Variants in COL21A1 observed in about 807,000 individuals in gnomAD.
COL21A1 encodes collagen type XXI alpha 1 chain, also known as collagen alpha-1(XXI) chain.
COL21A1 carries 149 observed loss-of-function variants against 137.9 expected under a neutral mutation model. The observed-to-expected ratio is 1.08, with a 90% CI of 0.95 to 1.24. COL21A1 has a LOEUF of 1.24. Ranked by LOEUF, COL21A1 falls within the 50% of genes most tolerant of loss-of-function variation. The probability of loss-of-function intolerance (pLI) is 0.00; values close to 1 mark genes in which losing one functional copy is unlikely to be tolerated. For synonymous variants in COL21A1, 456 were observed against 391.5 expected (o/e 1.16, Z -1.95); for missense variants, 1,167 against 1,158.4 (o/e 1.01, Z -0.11).
chr6:56,060,131 G>C lies in COL21A1; in HGVS notation c.2495C>G (p.Pro832Arg). 1 of 1,610,990 alleles carries C rather than the reference G, an allele frequency of 6.2e-7. No homozygotes were observed. ...SQHGSPGIPG[P>R]PGPIGPEGPR... ...ACCCTCTGGGCCTATCGGACCAGGT[G>C]GCCCAGGAATACCCGGGGAGCCATG... Residue 832 changes from proline (P) to arginine (R), a missense_variant, in exon 28 of 30, where the codon CCA becomes CGA. Pro to Arg is a moderately radical substitution (Grantham distance 103). Transcript: ENST00000244728.
At chr6:56,181,135 A>G (rs1342762415) in intron 2 of COL21A1, among the ~76,000 whole-genome samples, 1 of 152,228 alleles carries the variant, frequency 6.6e-6, no homozygotes, top group Non-Finnish European at 1.5e-5. Context: ...ATTTGTCTCA[A>G]AAATGTGTCT....
intron 1 of COL21A1, among the ~76,000 whole-genome samples, chr6:56,347,093 C>G (rs1329430658): frequency 1.3e-5 from 2 of 152,182 alleles, no homozygotes; most frequent in African/African-American, 4.8e-5. Context: ...GCCTTTGCTG[C>G]ACCAAACTGA....
intron 17 of COL21A1, among the ~76,000 whole-genome samples, chr6:56,096,258 C>T (rs1769315900): frequency 6.6e-6 from 1 of 152,128 alleles, no homozygotes; most frequent in Non-Finnish European, 1.5e-5. Context: ...TATGTTCATA[C>T]CATTCATACT....
intron 1 of COL21A1, among the ~76,000 whole-genome samples, chr6:56,256,402 G>A (rs2152329927): frequency 6.6e-6 from 1 of 152,106 alleles, no homozygotes; most frequent in East Asian, 1.9e-4. Context: ...CTTAATTCCA[G>A]CATTTTCATT....
chr6:56,304,112 C>G (rs1441915002), intron 1 of COL21A1, among the ~76,000 whole-genome samples: 2 of 152,102 alleles, frequency 1.3e-5, no homozygotes, highest in South Asian at 4.1e-4. Context: ...AGCTTTTTGA[C>G]GTGCTGCTGG....
At chr6:56,297,924 C>T (rs1458750281) in intron 1 of COL21A1, among the ~76,000 whole-genome samples, 5 of 152,060 alleles carry the variant, frequency 3.3e-5, no homozygotes, top group African/African-American at 1.2e-4. Flanking sequence ...ACTGTTCATT[C>T]TTTTGGGGTG....
At chr6:56,199,656 G>C (rs1399124576) in intron 1 of COL21A1, among the ~76,000 whole-genome samples, 2 of 152,192 alleles carry the variant, frequency 1.3e-5, no homozygotes, top group South Asian at 2.1e-4. Flanking sequence ...GAAAACTTTG[G>C]TTTATTTAAT....
intron 18 of COL21A1, among the ~76,000 whole-genome samples, chr6:56,076,575 G>T (rs1188465251): frequency 1.3e-5 from 2 of 151,202 alleles, no homozygotes; most frequent in Non-Finnish European, 1.5e-5. Context: ...CTCTGAAAGT[G>T]AAAATTATGA....
chr6:56,249,693 C>T (rs1782808343), upstream of COL21A1, among the ~76,000 whole-genome samples: 1 of 152,116 alleles, frequency 6.6e-6, no homozygotes. Context: ...CGTAGTAAAT[C>T]CATACCTATA....
intron 1 of COL21A1, among the ~76,000 whole-genome samples, chr6:56,195,184 A>G (rs1490503923): frequency 2.6e-5 from 4 of 152,082 alleles, no homozygotes; most frequent in Non-Finnish European, 5.9e-5. Context: ...TTTTCTTTAT[A>G]AATTATGCAG....
chr6:56,379,664 TAC>T (rs1199125421), intron 1 of COL21A1, among the ~76,000 whole-genome samples: 1 of 151,948 alleles, frequency 6.6e-6, no homozygotes, highest in African/African-American at 2.4e-5. Flanking sequence ...GGGAAAAGAG[TAC>T]TCTGGTATCC....
chr6:56,341,240 T>A (rs1765461802), intron 1 of COL21A1, among the ~76,000 whole-genome samples: 1 of 152,202 alleles, frequency 6.6e-6, no homozygotes, highest in African/African-American at 2.4e-5. Context: ...AATACATTTG[T>A]GGGAAACAGA....
At chr6:56,299,580 CAG>C (rs1228996653) in intron 1 of COL21A1, among the ~76,000 whole-genome samples, 1 of 152,026 alleles carries the variant, frequency 6.6e-6, no homozygotes, top group African/African-American at 2.4e-5. Context: ...TCACTGTATA[CAG>C]ACTCATATGA....
intron 17 of COL21A1, among the ~76,000 whole-genome samples, chr6:56,098,000 T>C (rs1646295034): frequency 1.2e-3 from 2 of 1,648 alleles, no homozygotes; most frequent in Non-Finnish European, 2.5e-3. Context: ...TATGTAAATA[T>C]ATAAATATAT....
In COL21A1 at chr6:56,067,306, T is replaced by C. The variant is rs1766353692; in HGVS notation, c.2116A>G (p.Lys706Glu). ...KKGDKGNQGE[K>E]GIQGQKGENG... is the part of the protein sequence containing the mutation. ...AGCAAACAACATACCTGAATACCTTTTTCACCTTGATTTCCTTTGTCCCCC... is the reference window on the plus strand; with the variant it reads ...AGCAAACAACATACCTGAATACCTTCTTCACCTTGATTTCCTTTGTCCCCC... The change falls in exon 23 of 30, where the codon AAA becomes GAA. Residue 706 changes from lysine to glutamate, a missense_variant. Physicochemically the swap from Lys to Glu is moderately conservative, Grantham distance 56. Transcript: ENST00000244728. The C allele has an allele frequency of 5.0e-6, 8 of 1,609,054 alleles. No individual in the cohort carries two copies. The highest frequency in any genetic ancestry group is 6.8e-6 in the Non-Finnish European group (8 of 1,176,882).
intron 1 of COL21A1, among the ~76,000 whole-genome samples, chr6:56,253,239 C>G (rs9475644): frequency 0.4 from 60,184 of 152,010 alleles, 13,438 homozygotes; most frequent in African/African-American, 0.59. Flanking sequence ...AACATCACAG[C>G]CCAGAGGCCT....
At chr6:56,387,802 C>T (rs2094021035) in intron 1 of COL21A1, among the ~76,000 whole-genome samples, 1 of 152,222 alleles carries the variant, frequency 6.6e-6, no homozygotes, top group African/African-American at 2.4e-5. Context: ...TTAGCTGACT[C>T]ATGGACCTGT....
At chr6:56,301,176 T>C (rs1416845370) in intron 1 of COL21A1, among the ~76,000 whole-genome samples, 1 of 152,174 alleles carries the variant, frequency 6.6e-6, no homozygotes, top group Non-Finnish European at 1.5e-5. Context: ...CAAAAGAGAC[T>C]CTAAAGATGT....
intron 1 of COL21A1, among the ~76,000 whole-genome samples, chr6:56,376,283 C>T (rs951617749): frequency 6.6e-6 from 1 of 152,076 alleles, no homozygotes; most frequent in African/African-American, 2.4e-5. Context: ...TAACAGTTTC[C>T]AAGGAGTGGG....
Sources: allele counts gnomAD v4.1 joint callset (sites outside exome capture counted in the v4.1 genomes callset), GRCh38; gene constraint gnomAD v4.1.1; transcripts MANE v1.5; gene names NCBI Gene and HGNC (gene_info 2026-07-23, HGNC 2026-07-21).